The following SCLT1 variants were observed in gnomAD, a reference collection of about 807,000 sequenced individuals.
SCLT1 encodes the protein sodium channel-associated protein 1.
In SCLT1, 78 loss-of-function variants were observed where a neutral mutation model predicts 112.8. The observed-to-expected ratio is 0.69, with a 90% CI of 0.58 to 0.83. SCLT1 has a LOEUF of 0.83. Ranked by LOEUF, SCLT1 falls within the 40% of genes least tolerant of loss-of-function variation. The pLI is 0.00. For synonymous variants in SCLT1, 257 were observed against 254.7 expected (o/e 1.01, Z -0.09); for missense variants, 747 against 770.4 (o/e 0.97, Z 0.36).
intron 18 of SCLT1, 103 bp downstream of exon 18, chr4:128,936,552 C>T (rs974204897): frequency 6.5e-6 from 4 of 614,432 alleles, no homozygotes; most frequent in Non-Finnish European, 1.1e-5. Context: ...AAGGTAAGGT[C>T]CAGAATTATA....
intron 18 of SCLT1, among the ~76,000 whole-genome samples, chr4:128,926,176 T>C (rs1484056117): frequency 6.6e-6 from 1 of 152,106 alleles, no homozygotes; most frequent in Non-Finnish European, 1.5e-5. Flanking sequence ...ATTAAGTTAC[T>C]TGAGGACCAG....
At chr4:129,029,687 A>G (rs192588485) in intron 5 of SCLT1, among the ~76,000 whole-genome samples, 4 of 152,122 alleles carry the variant, frequency 2.6e-5, no homozygotes, top group Admixed American at 6.5e-5. Flanking sequence ...ATAATAATAA[A>G]CAAACAAAAA....
chr4:128,992,247 G>GAA lies in SCLT1; in HGVS notation c.616-12_616-11dup. 8.7e-6 allele frequency: 13 copies of GAA among 1,492,466 alleles called. No homozygotes were observed. Among genetic ancestry groups the GAA allele is most frequent in the Non-Finnish European group, 1.1e-5 (12 of 1,095,918 alleles). 92.5% of individuals were successfully genotyped at this position (1,492,466 alleles called of 1,614,324 possible). ...GAAACTGTTGGTTAGTCTGCCACAAGAAAAAAAAAGAATCAGTATTAGAAT... is the reference window on the plus strand; with the variant it reads ...GAAACTGTTGGTTAGTCTGCCACAAGAAAAAAAAAAAGAATCAGTATTAGAAT... On this transcript the variant is annotated splice_polypyrimidine_tract_variant and intron_variant, in intron 8 of 20. Transcript: ENST00000281142.
intron 7 of SCLT1, 123 bp downstream of exon 7, chr4:128,999,549 T>A: frequency 1.8e-6 from 1 of 557,790 alleles, no homozygotes; most frequent in East Asian, 3.1e-5. Context: ...TTAACATAAA[T>A]AATAAAGTGA....
chr4:129,079,340 A>C (rs1342824128), intron 2 of SCLT1, among the ~76,000 whole-genome samples: 1 of 152,218 alleles, frequency 6.6e-6, no homozygotes, highest in Non-Finnish European at 1.5e-5. Flanking sequence ...ATAAAAAACA[A>C]GTTAGTTACT....
chr4:129,069,148 C>T (rs1455991960), intron 2 of SCLT1, among the ~76,000 whole-genome samples: 17 of 152,148 alleles, frequency 1.1e-4, no homozygotes, highest in Admixed American at 1.1e-3. Flanking sequence ...TATTTTTATA[C>T]CAGTACCATG....
intron 8 of SCLT1, among the ~76,000 whole-genome samples, chr4:128,992,721 G>A (rs961580083): frequency 1.3e-5 from 2 of 151,958 alleles, no homozygotes; most frequent in Non-Finnish European, 2.9e-5. Flanking sequence ...TTTATTGGCT[G>A]TCTTCTCTTC....
At chr4:129,064,248 G>C (rs1750268104) in intron 2 of SCLT1, among the ~76,000 whole-genome samples, 1 of 152,074 alleles carries the variant, frequency 6.6e-6, no homozygotes, top group South Asian at 2.1e-4. Flanking sequence ...TATATGGTTT[G>C]CAAATTTTTC....
chr4:128,923,302 T>C (rs1736022274), intron 18 of SCLT1, among the ~76,000 whole-genome samples: 1 of 151,792 alleles, frequency 6.6e-6, no homozygotes, highest in South Asian at 2.1e-4. Context: ...AAGATTTAGC[T>C]GGGCGTGGTG....
chr4:129,025,721 G>T (rs1284014292), intron 5 of SCLT1, among the ~76,000 whole-genome samples: 2 of 152,076 alleles, frequency 1.3e-5, no homozygotes, highest in South Asian at 4.1e-4. Context: ...AATGCAAATG[G>T]ACTAAATGCT....
At chr4:129,057,797 G>C (rs1292344666) in intron 2 of SCLT1, among the ~76,000 whole-genome samples, 1 of 151,536 alleles carries the variant, frequency 6.6e-6, no homozygotes, top group Non-Finnish European at 1.5e-5. Context: ...TGTCGCCCAG[G>C]CTGGAGTGCA....
chr4:128,877,851 GTCT>G (rs1732557277), intron 3 of SCLT1, among the ~76,000 whole-genome samples: 1 of 152,182 alleles, frequency 6.6e-6, no homozygotes, highest in Non-Finnish European at 1.5e-5. Flanking sequence ...GAGCAGGATA[GTCT>G]GCTTACAGTC....
intron 1 of SCLT1, among the ~76,000 whole-genome samples, chr4:129,083,601 G>A (rs1752148637): frequency 6.6e-6 from 1 of 152,078 alleles, no homozygotes; most frequent in Admixed American, 6.6e-5. Context: ...AGGCTACTTT[G>A]AGGCTACAGT....
At chr4:129,088,641 A>T (rs1282966731) in intron 1 of SCLT1, among the ~76,000 whole-genome samples, 7 of 152,244 alleles carry the variant, frequency 4.6e-5, no homozygotes. Flanking sequence ...TACTAGAGCT[A>T]ATGAATGAGT....
At chr4:129,012,997 CTTTTA>C (rs1203878760) in intron 5 of SCLT1, among the ~76,000 whole-genome samples, 1 of 151,870 alleles carries the variant, frequency 6.6e-6, no homozygotes, top group Non-Finnish European at 1.5e-5. Flanking sequence ...TGCTTTTTAA[CTTTTA>C]TTTTAGTTTT....
At chr4:129,026,255 C>T (rs1223337924) in intron 5 of SCLT1, among the ~76,000 whole-genome samples, 1 of 152,148 alleles carries the variant, frequency 6.6e-6, no homozygotes, top group Non-Finnish European at 1.5e-5. Flanking sequence ...ACATTATTTT[C>T]AGCACCACAC....
intron 20 of SCLT1, among the ~76,000 whole-genome samples, chr4:128,884,821 A>AT (rs957325187): frequency 8.6e-5 from 13 of 151,902 alleles, no homozygotes; most frequent in Non-Finnish European, 1.8e-4. Flanking sequence ...TTAATTTTTA[A>AT]TTTTTTTCAG....
intron 2 of SCLT1, among the ~76,000 whole-genome samples, chr4:129,072,361 G>A (rs1751090339): frequency 6.6e-6 from 1 of 152,136 alleles, no homozygotes; most frequent in Admixed American, 6.5e-5. Flanking sequence ...ACTCTAGCAA[G>A]GCCAAGGAAG....
At chr4:128,873,412 A>C (rs1051594662) in intron 5 of SCLT1, 3 of 152,660 alleles carry the variant, frequency 2.0e-5, no homozygotes, top group African/African-American at 7.2e-5. Flanking sequence ...ACTGAAGTGT[A>C]CCCTTGAATA....
Sources: allele counts gnomAD v4.1 joint callset (sites outside exome capture counted in the v4.1 genomes callset), GRCh38; gene constraint gnomAD v4.1.1; transcripts MANE v1.5; gene names NCBI Gene and HGNC (gene_info 2026-07-23, HGNC 2026-07-21).